EIF2D: variants seen among roughly 807,000 people sequenced by gnomAD.
EIF2D encodes hepatocellular carcinoma-associated antigen 56.
In EIF2D, 56 loss-of-function variants were observed where a neutral mutation model predicts 77.4. The observed-to-expected ratio is 0.72, with a 90% CI of 0.58 to 0.90. The LOEUF (loss-of-function observed/expected upper bound fraction) is 0.90. EIF2D is among the 40% of genes least tolerant of loss of function. The probability of loss-of-function intolerance (pLI) is 0.00; values close to 1 mark genes in which losing one functional copy is unlikely to be tolerated. For synonymous variants in EIF2D, 230 were observed against 271.0 expected (o/e 0.85, Z 1.49); for missense variants, 574 against 706.5 (o/e 0.81, Z 2.13).
chr1:206,582,014 C>T (rs1304578505), intron 2 of EIF2D, among the ~76,000 whole-genome samples: 2 of 152,280 alleles, frequency 1.3e-5, no homozygotes, highest in East Asian at 3.9e-4. Context: ...GCCTCAGTTT[C>T]CTCATTTACC....
chr1:206,593,504 A>AGTGTGTGT (rs1476375070), intron 14 of EIF2D, 115 bp downstream of exon 14: 614 of 403,164 alleles, frequency 1.5e-3, no homozygotes, highest in South Asian at 4.5e-3. Context: ...AGAGAGAGAG[A>AGTGTGTGT]GAGAGTGTGT....
In EIF2D at chr1:206,593,506, AGAGT is replaced by A. The variant is rs1244014118; in HGVS notation, c.1684+109_1684+112del. The A allele has an allele frequency of 7.6e-4, 334 of 441,894 alleles. 2 individuals carry two copies. Among genetic ancestry groups the A allele is most frequent in the East Asian group, 3.2e-3 (77 of 24,362 alleles). The allele number at this position is 441,894 out of a possible 1,614,324, so 27.4% of individuals were successfully genotyped here. On this transcript the variant is annotated intron_variant, in intron 14 of 14. Coordinates refer to ENST00000271764, the MANE Select transcript of EIF2D (RefSeq NM_006893.3). ...GAGAGAGCGAGAGAGAGAGAGAGAG[AGAGT>A]GTGTGTGTGTGTGTGTGTGTGTGTG...
At chr1:206,574,139 T>C (rs990547151) in intron 4 of EIF2D, among the ~76,000 whole-genome samples, 7 of 152,230 alleles carry the variant, frequency 4.6e-5, no homozygotes, top group African/African-American at 1.4e-4. Flanking sequence ...TAACCCACTC[T>C]AGCTGAGCTG....
chr1:206,611,327 G>A lies in EIF2D; in HGVS notation c.104C>T (p.Thr35Ile), dbSNP rs782072696. The change falls in exon 2 of 15, where the codon ACT (threonine) becomes ATT (isoleucine). Residue 35 changes from threonine (T) to isoleucine (I), a missense_variant. Physicochemically the swap from Thr to Ile is moderately conservative, Grantham distance 89 (BLOSUM62 -1). Coordinates refer to ENST00000271764, the MANE Select transcript of EIF2D (RefSeq NM_006893.3). ...AGGTACTAACTCAGAGACTTGATCA[G>A]TTCCAAGGGTGGGGAAAGCAGTTGT... is the stretch of plus-strand genomic sequence containing the variant. ...DVTTAFPTLG[T>I]DQVSELVPGK... 3 of 1,614,198 alleles carry A rather than the reference G, an allele frequency of 1.9e-6. No homozygotes were observed. In the South Asian group the frequency reaches 3.3e-5, roughly 18 times the overall value.
Position 206,584,839 on chromosome 1 carries a change from G to A in EIF2D, c.139-3677C>T, listed in dbSNP as rs1054516287. Reference sequence around the variant, plus strand: ...TGTGGTGTTCAGATCTGTGGAATCCGGGCAGGGAGGCAAGAGCAGAGTCCC... The same window carrying A: ...TGTGGTGTTCAGATCTGTGGAATCCAGGCAGGGAGGCAAGAGCAGAGTCCC... On this transcript the variant is annotated intron_variant and NMD_transcript_variant, in intron 2 of 5. Transcript: ENST00000472709. This position sits in a 1 kb window ranked among gnomAD's most constrained non-coding sequence, Gnocchi z 4.9. 15 of 774,498 alleles carry A rather than the reference G, an allele frequency of 1.9e-5. No individual in the cohort carries two copies. Among genetic ancestry groups the A allele is most frequent in the South Asian group, 5.4e-5 (3 of 55,768 alleles). The allele number at this position is 774,498 out of a possible 1,614,324, so 48.0% of individuals were successfully genotyped here. A position where few individuals can be genotyped will look rare whatever the true frequency, so the allele number is the denominator to read the frequency against.
At chr1:206,582,005 C>T (rs1668906444) in intron 2 of EIF2D, among the ~76,000 whole-genome samples, 1 of 152,178 alleles carries the variant, frequency 6.6e-6, no homozygotes. Flanking sequence ...CCTCACTGGG[C>T]CTCAGTTTCC....
chr1:206,584,718 C>T lies in EIF2D; in HGVS notation c.139-3556G>A. 1 of 1,611,268 alleles carries T rather than the reference C, an allele frequency of 6.2e-7. No individual in the cohort carries two copies. Among genetic ancestry groups the T allele is most frequent in the African/African-American group, 1.3e-5 (1 of 74,926 alleles). Reference sequence around the variant, plus strand: ...AAGAGTGAACCCAACCAGACCGTTCCCTTCCTACCTGTGTCCAAGCCCACC... The same window carrying T: ...AAGAGTGAACCCAACCAGACCGTTCTCTTCCTACCTGTGTCCAAGCCCACC... On this transcript the variant is annotated intron_variant and NMD_transcript_variant, in intron 2 of 5. Transcript: ENST00000472709. The surrounding 1 kb of genome is among the most constrained non-coding windows in gnomAD (Gnocchi z 4.9).
rs556883869 is a variant in EIF2D at position 206,577,126 on chromosome 1, T to C, written c.*254+3566A>G. 2.2e-4 allele frequency among the ~76,000 whole-genome samples: 34 copies of C among 152,242 alleles called. 1 individual carries two copies. The South Asian group carries it at 7.1e-3, about 32-fold the overall frequency. ...ATGCCAGGCCCATAAATAGTTTTAC[T>C]GGAACCCAGTCACACTCATCCAGTA... On this transcript the variant is annotated intron_variant and NMD_transcript_variant, in intron 4 of 5. Coordinates refer to the EIF2D transcript ENST00000472709.
chr1:206,608,411 C>CA (rs1421878629), intron 3 of EIF2D, 85 bp from the exon 4 acceptor site: 12 of 1,116,684 alleles, frequency 1.1e-5, no homozygotes, highest in Non-Finnish European at 1.4e-5. Flanking sequence ...ACTCGCTCAA[C>CA]AAAAAAATAG....
chr1:206,611,499 G>T, intron 1 of EIF2D, 125 bp from the exon 2 acceptor site: 2 of 702,824 alleles, frequency 2.8e-6, no homozygotes, highest in Non-Finnish European at 4.7e-6. Flanking sequence ...GGTTTATGAT[G>T]TCCTAGTCTC....
chr1:206,603,278 C>T, intron 5 of EIF2D, 74 bp from the exon 6 acceptor site: 1 of 1,557,886 alleles, frequency 6.4e-7, no homozygotes, highest in Non-Finnish European at 8.7e-7. Flanking sequence ...GAGGAGTCAG[C>T]AGTGAGGTCA....
At chr1:206,596,958 G>T in intron 12 of EIF2D, 142 bp downstream of exon 12, 2 of 619,644 alleles carry the variant, frequency 3.2e-6, no homozygotes, top group Non-Finnish European at 5.7e-6. Flanking sequence ...AGTTCCTCAA[G>T]CCTGTGTTTA....
At chr1:206,577,958 C>A (rs1024066716) in intron 4 of EIF2D, among the ~76,000 whole-genome samples, 2 of 152,100 alleles carry the variant, frequency 1.3e-5, no homozygotes, top group Non-Finnish European at 2.9e-5. Context: ...CGCGGTGGGT[C>A]ACACCTGTAA....
Position 206,584,580 on chromosome 1 carries a change from C to A in EIF2D, c.139-3418G>T, listed in dbSNP as rs1553407144. On this transcript the variant is annotated intron_variant and NMD_transcript_variant, in intron 2 of 5. Coordinates refer to the EIF2D transcript ENST00000472709. This position sits in a 1 kb window ranked among gnomAD's most constrained non-coding sequence, Gnocchi z 4.9. ...ATCAAGCAGCTGCACATCAGCAGCACCACCACCGTCAGTGAGGTCATCCAG... is the reference window on the plus strand; with the variant it reads ...ATCAAGCAGCTGCACATCAGCAGCAACACCACCGTCAGTGAGGTCATCCAG... 6.2e-7 allele frequency: 1 copy of A among 1,614,216 alleles called. No homozygotes were observed. The highest frequency in any genetic ancestry group is 1.7e-5 in the Admixed American group (1 of 60,022).
chr1:206,607,862 T>A (rs1670275103), intron 4 of EIF2D, among the ~76,000 whole-genome samples: 2 of 152,194 alleles, frequency 1.3e-5, no homozygotes, highest in Non-Finnish European at 2.9e-5. Context: ...CCAATGTTAA[T>A]TTCTTAGTTG....
chr1:206,612,202 C>T, intron 1 of EIF2D, 85 bp downstream of exon 1: 1 of 1,588,150 alleles, frequency 6.3e-7, no homozygotes, highest in Non-Finnish European at 8.6e-7. Flanking sequence ...AGGATGTCGG[C>T]CAAGAATAGC....
chr1:206,612,180 G>A (rs1670529564), intron 1 of EIF2D, 107 bp downstream of exon 1: 1 of 1,487,872 alleles, frequency 6.7e-7, no homozygotes, highest in East Asian at 2.3e-5. Context: ...CATACCCCTC[G>A]GCCTCCACCC....
downstream of EIF2D, chr1:206,587,085 T>C: frequency 7.3e-7 from 1 of 1,376,848 alleles, no homozygotes. Context: ...GGTGCATTTG[T>C]GCCTGCCCAG....
At chr1:206,602,058 A>C in intron 7 of EIF2D, 1 of 379,726 alleles carries the variant, frequency 2.6e-6, no homozygotes, top group Non-Finnish European at 4.8e-6. Flanking sequence ...CCCCCACGGC[A>C]GAGGCAGTGT....
Sources: gnomAD v4.1 joint callset for allele counts (sites outside exome capture counted in the v4.1 genomes callset) on GRCh38, gnomAD v4.1.1 for gene constraint, Gnocchi (gnomAD v3.1) non-coding constraint, MANE v1.5 for transcripts, NCBI Gene and HGNC (gene_info 2026-07-23, HGNC 2026-07-21) for gene names.